Variants in CTNNA3 observed in about 807,000 individuals in gnomAD.
CTNNA3 encodes catenin alpha 3, also known as catenin alpha-3.
In CTNNA3, 76 loss-of-function variants were observed where a neutral mutation model predicts 95.7. The ratio of observed to expected loss-of-function variants is 0.79; its 90% CI spans 0.66 to 0.96. The LOEUF is 0.96. Ranked by LOEUF, CTNNA3 falls within the 40% of genes least tolerant of loss-of-function variation. The pLI is 0.00. For synonymous variants in CTNNA3, 431 were observed against 374.4 expected, an observed-to-expected ratio of 1.15 and a Z score of -1.74; for missense variants, 1,191 against 1,089.8, an observed-to-expected ratio of 1.09 and a Z score of -1.31.
intron 5 of CTNNA3, among the ~76,000 whole-genome samples, chr10:67,305,929 T>C (rs1204758719): frequency 6.6e-6 from 1 of 152,108 alleles, no homozygotes; most frequent in Non-Finnish European, 1.5e-5. Context: ...AACAAGCGTT[T>C]GAGGAGATAT....
intron 7 of CTNNA3, among the ~76,000 whole-genome samples, chr10:67,066,681 T>C (rs1856112246): frequency 6.6e-6 from 1 of 152,174 alleles, no homozygotes; most frequent in African/African-American, 2.4e-5. Flanking sequence ...CTTGAATAAT[T>C]GTTAAACAAA....
intron 9 of CTNNA3, among the ~76,000 whole-genome samples, chr10:66,717,189 T>C (rs1390008029): frequency 6.6e-6 from 1 of 152,132 alleles, no homozygotes; most frequent in African/African-American, 2.4e-5. Flanking sequence ...CCTGAGTTTA[T>C]ATAAAACCTA....
At chr10:66,772,722 G>C (rs1840144150) in intron 8 of CTNNA3, among the ~76,000 whole-genome samples, 1 of 152,144 alleles carries the variant, frequency 6.6e-6, no homozygotes, top group Admixed American at 6.5e-5. Context: ...CTTCTCCTTA[G>C]ATATTTCTAA....
chr10:66,996,667 A>AAAAAAAAAAAAAC, intron 7 of CTNNA3, among the ~76,000 whole-genome samples: 1 of 150,920 alleles, frequency 6.6e-6, no homozygotes, highest in Non-Finnish European at 1.5e-5. Context: ...AAAAAAAAAA[A>AAAAAAAAAAAAAC]AAAAGCATGT....
chr10:66,360,816 CCTTTCTTTCTTT>C (rs758092288), intron 12 of CTNNA3, among the ~76,000 whole-genome samples: 1,738 of 50,228 alleles, frequency 0.035, 147 homozygotes, highest in African/African-American at 0.13. Flanking sequence ...TTCCTTCCTT[CCTTTCTTTCTTT>C]CTTTCTTTCT....
At chr10:67,329,054 C>T (rs1355271328) in intron 5 of CTNNA3, among the ~76,000 whole-genome samples, 1 of 152,054 alleles carries the variant, frequency 6.6e-6, no homozygotes, top group Non-Finnish European at 1.5e-5. Context: ...TTGATCCTAC[C>T]CCACTGATCT....
chr10:67,269,921 T>C (rs1015359030), intron 5 of CTNNA3, among the ~76,000 whole-genome samples: 2 of 152,120 alleles, frequency 1.3e-5, no homozygotes, highest in Non-Finnish European at 2.9e-5. Flanking sequence ...CTACAAACAT[T>C]TGTAGGACAA....
intron 10 of CTNNA3, among the ~76,000 whole-genome samples, chr10:66,603,242 T>C (rs1410704515): frequency 6.6e-6 from 1 of 152,116 alleles, no homozygotes; most frequent in Non-Finnish European, 1.5e-5. Context: ...TTAGCAAAGC[T>C]TCAGGATACA....
intron 12 of CTNNA3, among the ~76,000 whole-genome samples, chr10:66,298,920 T>G (rs1213630995): frequency 6.6e-6 from 1 of 152,166 alleles, no homozygotes; most frequent in Non-Finnish European, 1.5e-5. Context: ...AAAGTCAAGT[T>G]GGGAACTGCT....
chr10:67,290,207 G>C (rs1320762576), intron 5 of CTNNA3, among the ~76,000 whole-genome samples: 1 of 152,154 alleles, frequency 6.6e-6, no homozygotes, highest in Non-Finnish European at 1.5e-5. Context: ...ACAGTGTTAA[G>C]GGATGGAGTA....
chr10:66,506,099 C>T (rs116438159), intron 11 of CTNNA3, among the ~76,000 whole-genome samples: 1,605 of 152,104 alleles, frequency 0.011, 29 homozygotes, highest in African/African-American at 0.037. Context: ...GCAAAGGGTG[C>T]GGGGTGCCAG....
chr10:67,754,628 C>A (rs777572876), intron 1 of CTNNA3, among the ~76,000 whole-genome samples: 1 of 152,006 alleles, frequency 6.6e-6, no homozygotes, highest in Non-Finnish European at 1.5e-5. Context: ...TTGGTCTGGG[C>A]AAGATTTTCT....
chr10:65,934,296 T>A (rs577600380), intron 17 of CTNNA3, among the ~76,000 whole-genome samples: 1 of 152,150 alleles, frequency 6.6e-6, no homozygotes, highest in Non-Finnish European at 1.5e-5. Context: ...ATTCTAACCA[T>A]CTTGGTAACT....
intron 12 of CTNNA3, among the ~76,000 whole-genome samples, chr10:66,371,541 G>C (rs1446260364): frequency 2.6e-5 from 4 of 152,142 alleles, no homozygotes; most frequent in African/African-American, 9.7e-5. Context: ...CAATGTTCTT[G>C]GTTGCATAAT....
At chr10:67,120,111 A>T (rs1859386668) in intron 7 of CTNNA3, among the ~76,000 whole-genome samples, 1 of 151,966 alleles carries the variant, frequency 6.6e-6, no homozygotes, top group African/African-American at 2.4e-5. Context: ...TACAAAGAGA[A>T]GTCAGATCTG....
At chr10:67,010,551 T>TG (rs1182167450) in intron 7 of CTNNA3, among the ~76,000 whole-genome samples, 1 of 151,830 alleles carries the variant, frequency 6.6e-6, no homozygotes, top group African/African-American at 2.4e-5. Context: ...AGAAGAAGAG[T>TG]GGGGGGAGCA....
intron 10 of CTNNA3, among the ~76,000 whole-genome samples, chr10:66,548,632 T>A (rs1416906257): frequency 1.3e-5 from 2 of 152,180 alleles, no homozygotes; most frequent in Non-Finnish European, 2.9e-5. Context: ...TCTGATTTTG[T>A]CAGATATTTT....
intron 15 of CTNNA3, among the ~76,000 whole-genome samples, chr10:65,989,554 T>A (rs1247698175): frequency 6.6e-6 from 1 of 152,148 alleles, no homozygotes; most frequent in East Asian, 1.9e-4. Flanking sequence ...TTTTTTCTGT[T>A]GCTATATTTT....
chr10:66,137,843 T>C lies in CTNNA3; in HGVS notation c.1885-34594A>G, dbSNP rs541555010. On this transcript the variant is annotated intron_variant, in intron 13 of 17. Coordinates refer to ENST00000433211, the MANE Select transcript of CTNNA3 (RefSeq NM_013266.4). ...CACGTCCCTGTGGTCCCAGCTACTC[T>C]GGAGGCTAATGTCGGGGGATGGCTT... Among the ~76,000 whole-genome samples, 4 of 152,102 alleles carry C rather than the reference T, an allele frequency of 2.6e-5. No individual in the cohort carries two copies. In the South Asian group the frequency reaches 8.3e-4, roughly 32 times the overall value.
Sources: allele counts gnomAD v4.1 joint callset (sites outside exome capture counted in the v4.1 genomes callset), GRCh38; gene constraint gnomAD v4.1.1; transcripts MANE v1.5; gene names NCBI Gene and HGNC (gene_info 2026-07-23, HGNC 2026-07-21).